ADAM23: variants seen among roughly 807,000 people sequenced by gnomAD.
ADAM23 encodes the protein ADAM metallopeptidase domain 23.
ADAM23 carries 33 observed loss-of-function variants against 120.1 expected under a neutral mutation model. The ratio of observed to expected loss-of-function variants is 0.27; its 90% CI spans 0.21 to 0.37. The LOEUF is 0.37. Ranked by LOEUF, ADAM23 falls within the 10% of genes least tolerant of loss-of-function variation. ADAM23 has a pLI of 1.00. For missense variants in ADAM23, 862 were observed against 1,058.2 expected (o/e 0.81, Z 2.57); for synonymous variants, 367 against 375.2 (o/e 0.98, Z 0.25).
chr2:206,491,024 TAAC>T (rs971100295), intron 3 of ADAM23, among the ~76,000 whole-genome samples: 2 of 152,184 alleles, frequency 1.3e-5, no homozygotes, highest in African/African-American at 4.8e-5. Flanking sequence ...CAATTAAACA[TAAC>T]AAGATTATTA....
chr2:206,576,352 A>C (rs1574543967), intron 18 of ADAM23, among the ~76,000 whole-genome samples: 1 of 152,210 alleles, frequency 6.6e-6, no homozygotes, highest in South Asian at 2.1e-4. Context: ...CATAGAATTT[A>C]CTAGAAATAA....
At chr2:206,480,298 T>C (rs1418661150) in intron 2 of ADAM23, among the ~76,000 whole-genome samples, 1 of 151,940 alleles carries the variant, frequency 6.6e-6, no homozygotes, top group African/African-American at 2.4e-5. Flanking sequence ...TAGAAAGTAC[T>C]GGGAGGGAGA....
chr2:206,613,370 A>C (rs765602375), intron 25 of ADAM23, among the ~76,000 whole-genome samples: 6 of 152,098 alleles, frequency 3.9e-5, no homozygotes, highest in Non-Finnish European at 8.8e-5. Flanking sequence ...ACTTTGCTTA[A>C]TTTCATACTC....
intron 3 of ADAM23, among the ~76,000 whole-genome samples, chr2:206,489,099 C>T (rs577053516): frequency 1.1e-4 from 17 of 152,168 alleles, no homozygotes; most frequent in Non-Finnish European, 1.9e-4. Flanking sequence ...AGGCCTCCTG[C>T]CTCATTTTTC....
Position 206,619,749 on chromosome 2 carries a change from T to A in ADAM23, c.*2122T>A, listed in dbSNP as rs1392447852. On this transcript the variant is annotated 3_prime_UTR_variant, in exon 26 of 26. Transcript: ENST00000264377. Reference sequence around the variant, plus strand: ...GTACCACAAACATAGAGCAGAGACTTTAATTTCTATATTCTACAATAGACC... The same window carrying A: ...GTACCACAAACATAGAGCAGAGACTATAATTTCTATATTCTACAATAGACC... The A allele has an allele frequency of 1.3e-5, 2 of 152,182 alleles. No homozygotes were observed. The highest frequency in any genetic ancestry group is 2.9e-5 in the Non-Finnish European group (2 of 68,030). The allele number at this position is 152,182 out of a possible 1,614,324, so 9.4% of individuals were successfully genotyped here.
chr2:206,618,888 C>A lies in ADAM23; in HGVS notation c.*1261C>A, dbSNP rs562002173. On this transcript the variant is annotated 3_prime_UTR_variant, in exon 26 of 26. Transcript: ENST00000264377. ...GTGCCAAGCTCATGATTTTGGTTTTCGGTTTTGACAATTTTCTTTCCCTGT... is the reference window on the plus strand; with the variant it reads ...GTGCCAAGCTCATGATTTTGGTTTTAGGTTTTGACAATTTTCTTTCCCTGT... 9.9e-5 allele frequency: 15 copies of A among 152,038 alleles called. No homozygotes were observed. The highest frequency in any genetic ancestry group is 1.8e-4 in the Non-Finnish European group (12 of 68,002). The allele number at this position is 152,038 out of a possible 1,614,324, so 9.4% of individuals were successfully genotyped here. A position where few individuals can be genotyped will look rare whatever the true frequency, so the allele number is the denominator to read the frequency against.
intron 24 of ADAM23, among the ~76,000 whole-genome samples, chr2:206,599,902 T>C (rs1347793016): frequency 6.6e-6 from 1 of 152,174 alleles, no homozygotes; most frequent in Non-Finnish European, 1.5e-5. Flanking sequence ...AAGATTTTTC[T>C]CAAAAAATGC....
chr2:206,537,565 A>G (rs1697203566), intron 4 of ADAM23, among the ~76,000 whole-genome samples: 1 of 150,830 alleles, frequency 6.6e-6, no homozygotes, highest in African/African-American at 2.4e-5. Flanking sequence ...CCTTTCCTTT[A>G]TTTTTCTCAT....
intron 2 of ADAM23, among the ~76,000 whole-genome samples, chr2:206,463,480 G>A (rs1215432598): frequency 6.6e-6 from 1 of 152,222 alleles, no homozygotes; most frequent in African/African-American, 2.4e-5. Flanking sequence ...TTGACCTCCA[G>A]AAGTGTAAGA....
intron 12 of ADAM23, among the ~76,000 whole-genome samples, chr2:206,561,641 A>C (rs1271736955): frequency 2.0e-5 from 3 of 152,056 alleles, no homozygotes; most frequent in Non-Finnish European, 4.4e-5. Context: ...CCTTCTACCT[A>C]CCTATCTGTA....
At chr2:206,474,581 T>A (rs183993321) in intron 2 of ADAM23, among the ~76,000 whole-genome samples, 1 of 152,240 alleles carries the variant, frequency 6.6e-6, no homozygotes, top group East Asian at 1.9e-4. Context: ...TTATTATTAT[T>A]GCTATTTTCT....
chr2:206,520,130 C>G (rs2105789390), intron 3 of ADAM23, among the ~76,000 whole-genome samples: 2 of 152,270 alleles, frequency 1.3e-5, no homozygotes, highest in South Asian at 4.1e-4. Context: ...ACAGAGAAAT[C>G]AAGGGTGACA....
chr2:206,591,376 GT>G (rs1219512376), intron 21 of ADAM23, among the ~76,000 whole-genome samples: 2 of 152,178 alleles, frequency 1.3e-5, no homozygotes, highest in Non-Finnish European at 2.9e-5. Context: ...TTTACTGCCT[GT>G]TTTCATCCCT....
chr2:206,554,185 T>A (rs968801487), intron 9 of ADAM23, among the ~76,000 whole-genome samples: 1 of 152,122 alleles, frequency 6.6e-6, no homozygotes, highest in Non-Finnish European at 1.5e-5. Flanking sequence ...CTGAAAAAAA[T>A]GCAGATATCT....
chr2:206,528,902 A>G (rs1696993437), intron 3 of ADAM23, among the ~76,000 whole-genome samples: 1 of 152,172 alleles, frequency 6.6e-6, no homozygotes, highest in Non-Finnish European at 1.5e-5. Flanking sequence ...ATGAGTTAAT[A>G]CCATTATAGT....
intron 18 of ADAM23, among the ~76,000 whole-genome samples, chr2:206,576,904 T>C (rs778918186): frequency 1.3e-4 from 20 of 152,188 alleles, no homozygotes; most frequent in Admixed American, 4.6e-4. Flanking sequence ...CTATGAAATA[T>C]GTCATCTAAG....
intron 14 of ADAM23, among the ~76,000 whole-genome samples, chr2:206,565,512 A>C (rs1697859468): frequency 6.6e-6 from 1 of 152,250 alleles, no homozygotes; most frequent in Admixed American, 6.5e-5. Flanking sequence ...TTTAAAAATT[A>C]AGACAGACTT....
intron 3 of ADAM23, among the ~76,000 whole-genome samples, chr2:206,498,071 C>A (rs1042093306): frequency 2.0e-5 from 3 of 152,110 alleles, no homozygotes; most frequent in Admixed American, 6.5e-5. Context: ...AATGGCCATA[C>A]TGCCCAAGGT....
chr2:206,504,424 C>G (rs946559479), intron 3 of ADAM23, among the ~76,000 whole-genome samples: 15 of 152,044 alleles, frequency 9.9e-5, no homozygotes, highest in Non-Finnish European at 1.6e-4. Flanking sequence ...AAATTAGTAG[C>G]ATTTTATGTT....
Sources: allele counts gnomAD v4.1 joint callset (sites outside exome capture counted in the v4.1 genomes callset), GRCh38; gene constraint gnomAD v4.1.1; transcripts MANE v1.5; gene names NCBI Gene and HGNC (gene_info 2026-07-23, HGNC 2026-07-21).